Variants in COL4A2 observed in about 807,000 individuals in gnomAD.
The protein encoded by COL4A2 is collagen alpha-2(IV) chain.
Under a neutral mutation model 200.2 loss-of-function variants are expected in COL4A2, and 99 were observed. The ratio of observed to expected loss-of-function variants is 0.49; its 90% CI spans 0.42 to 0.58. The LOEUF is 0.58. Among genes scored for constraint, COL4A2 ranks in the 20% least tolerant of loss-of-function variants. The probability of loss-of-function intolerance (pLI) is 0.00; values close to 1 mark genes in which losing one functional copy is unlikely to be tolerated. For missense variants in COL4A2, 1,950 were observed against 2,314.1 expected (o/e 0.84, Z 3.23); for synonymous variants, 897 against 900.6 (o/e 1.00, Z 0.07).
chr13:110,440,260 G>A (rs1436893504), intron 16 of COL4A2, among the ~76,000 whole-genome samples: 2 of 152,064 alleles, frequency 1.3e-5, no homozygotes, highest in African/African-American at 4.8e-5. Flanking sequence ...GAGTTCTGTG[G>A]ACAGATTTTT....
At chr13:110,420,280 G>T (rs114202460) in intron 4 of COL4A2, among the ~76,000 whole-genome samples, 1 of 152,186 alleles carries the variant, frequency 6.6e-6, no homozygotes, top group Admixed American at 6.5e-5. Context: ...TGCAGTTGCC[G>T]TGGGGACAAA....
At chr13:110,421,881 TC>T (rs1254851557) in intron 4 of COL4A2, among the ~76,000 whole-genome samples, 1 of 152,190 alleles carries the variant, frequency 6.6e-6, no homozygotes, top group African/African-American at 2.4e-5. Context: ...TTAGCCACTT[TC>T]CCCCATCAAA....
chr13:110,480,513 T>C (rs938897915), intron 31 of COL4A2, 123 bp downstream of exon 31: 50 of 1,029,234 alleles, frequency 4.9e-5, no homozygotes, highest in African/African-American at 3.6e-4. Flanking sequence ...CTTCTGCAGA[T>C]TGGAGGCCTT....
intron 25 of COL4A2, 121 bp downstream of exon 25, chr13:110,465,727 G>A (rs936848475): frequency 6.1e-6 from 6 of 981,136 alleles, no homozygotes; most frequent in Admixed American, 2.9e-5. Flanking sequence ...ATCTGTTCTC[G>A]CACGTACAAG....
intron 4 of COL4A2, among the ~76,000 whole-genome samples, chr13:110,396,146 C>T (rs912018215): frequency 6.6e-6 from 1 of 152,196 alleles, no homozygotes; most frequent in African/African-American, 2.4e-5. Flanking sequence ...CATATCCCCT[C>T]CCGCTACCTC....
At chr13:110,408,839 ACG>A in intron 4 of COL4A2, among the ~76,000 whole-genome samples, 6 of 72,346 alleles carry the variant, frequency 8.3e-5, no homozygotes, top group East Asian at 7.7e-4. Flanking sequence ...ACACACATAC[ACG>A]CACACATATA....
At position 110,508,135 on chromosome 13, in the gene COL4A2, G is replaced by A. The variant is rs752861934; in HGVS notation, c.4795G>A (p.Ala1599Thr). ...RCSVCEAPAI[A>T]IAVHSQDVSI... The stretch of plus-strand genomic sequence containing the variant: ...TTCTGTGTGTGAGGCCCCGGCCATC[G>A]CCATCGCGGTCCACAGTCAGGATGT... Residue 1599 changes from alanine (A) to threonine (T), a missense_variant, in exon 47 of 48, where the codon GCC (alanine) becomes ACC (threonine). Physicochemically the swap from Ala to Thr is moderately conservative, Grantham distance 58. Transcript: ENST00000360467. This position sits in a 1 kb window ranked among gnomAD's most constrained non-coding sequence, Gnocchi z 6.1. 4.3e-6 allele frequency: 7 copies of A among 1,614,128 alleles called. No individual in the cohort carries two copies. The highest frequency in any genetic ancestry group is 1.3e-5 in the African/African-American group (1 of 74,942).
Position 110,357,497 on chromosome 13 carries a change from G to T in COL4A2, c.125G>T (p.Cys42Phe). The T allele has an allele frequency of 6.3e-7, 1 of 1,595,032 alleles. No homozygotes were observed. Among genetic ancestry groups the T allele is most frequent in the Non-Finnish European group, 8.6e-7 (1 of 1,168,836 alleles). Reference protein sequence around the residue: ...LAGVKKFDVPCGGRDCSGGCQ... With the variant: ...LAGVKKFDVPFGGRDCSGGCQ... ...GGTGTGAAGAAGTTTGATGTGCCGT[G>T]TGGAGGAAGAGATTGCAGTGGGGGC... The change falls in exon 4 of 48, where the codon TGT becomes TTT. Residue 42 changes from cysteine to phenylalanine, a missense_variant. Transcript: ENST00000360467.
intron 10 of COL4A2, among the ~76,000 whole-genome samples, chr13:110,431,721 TGA>T (rs764045069): frequency 1.3e-4 from 20 of 152,238 alleles, no homozygotes; most frequent in Non-Finnish European, 2.5e-4. Flanking sequence ...GTTCTTCACA[TGA>T]GCCATGCAAT....
At chr13:110,424,111 T>C (rs1002520698) in intron 4 of COL4A2, among the ~76,000 whole-genome samples, 2 of 151,940 alleles carry the variant, frequency 1.3e-5, no homozygotes, top group African/African-American at 2.4e-5. Flanking sequence ...GCCGCCAGAG[T>C]GTTTTCCAAA....
At chr13:110,448,513 A>G (rs1174049404) in intron 18 of COL4A2, among the ~76,000 whole-genome samples, 1 of 152,248 alleles carries the variant, frequency 6.6e-6, no homozygotes, top group African/African-American at 2.4e-5. Context: ...AAGGTTGACT[A>G]ACCAGCAGAT....
intron 20 of COL4A2, among the ~76,000 whole-genome samples, chr13:110,452,233 G>A (rs530896607): frequency 1.6e-4 from 25 of 152,274 alleles, no homozygotes; most frequent in African/African-American, 5.3e-4. Context: ...TCCCGGGTTC[G>A]TTCCATTCTC....
intron 3 of COL4A2, among the ~76,000 whole-genome samples, chr13:110,340,108 G>A (rs1464347481): frequency 6.6e-6 from 1 of 152,170 alleles, no homozygotes; most frequent in Non-Finnish European, 1.5e-5. Context: ...TGGTGCCCCT[G>A]CAGAGTCCAG....
At chr13:110,394,323 G>A (rs1039414358) in intron 4 of COL4A2, among the ~76,000 whole-genome samples, 8 of 152,176 alleles carry the variant, frequency 5.3e-5, no homozygotes, top group Admixed American at 2.6e-4. Context: ...GAGCAGAGAG[G>A]CTCAGTAGTT....
At chr13:110,397,523 C>T (rs948585725) in intron 4 of COL4A2, among the ~76,000 whole-genome samples, 7 of 152,192 alleles carry the variant, frequency 4.6e-5, no homozygotes, top group African/African-American at 1.4e-4. Context: ...TTTTTAAGAA[C>T]ATCGTAGGTG....
At chr13:110,471,752 G>A (rs1272915484) in intron 28 of COL4A2, among the ~76,000 whole-genome samples, 3 of 152,152 alleles carry the variant, frequency 2.0e-5, no homozygotes, top group African/African-American at 7.2e-5. Flanking sequence ...CCTGCTCATT[G>A]GATCTTTTTG....
chr13:110,443,964 AC>A (rs1458600498), intron 16 of COL4A2, among the ~76,000 whole-genome samples: 1 of 152,138 alleles, frequency 6.6e-6, no homozygotes, highest in Non-Finnish European at 1.5e-5. Flanking sequence ...TCTCAGATGA[AC>A]CCTGAGGGTG....
chr13:110,318,538 G>T (rs1200006440), intron 3 of COL4A2, among the ~76,000 whole-genome samples: 1 of 152,194 alleles, frequency 6.6e-6, no homozygotes. Flanking sequence ...GAAATGTCAG[G>T]ACTCAGGCAT....
intron 3 of COL4A2, among the ~76,000 whole-genome samples, chr13:110,357,129 C>T (rs567522207): frequency 6.6e-6 from 1 of 152,182 alleles, no homozygotes; most frequent in African/African-American, 2.4e-5. Flanking sequence ...ACCCTGGTCT[C>T]AACTGTGGAC....
Sources: gnomAD v4.1 joint callset for allele counts (sites outside exome capture counted in the v4.1 genomes callset) on GRCh38, gnomAD v4.1.1 for gene constraint, Gnocchi (gnomAD v3.1) non-coding constraint, MANE v1.5 for transcripts, NCBI Gene and HGNC (gene_info 2026-07-23, HGNC 2026-07-21) for gene names.